Variants in CACNA2D3 observed in about 807,000 individuals in gnomAD.
CACNA2D3 encodes the protein calcium voltage-gated channel auxiliary subunit alpha2delta 3.
In CACNA2D3, 60 loss-of-function variants were observed where a neutral mutation model predicts 160.6. That is an observed-to-expected ratio of 0.37 (90% CI 0.30 to 0.46). The LOEUF (loss-of-function observed/expected upper bound fraction) is 0.46, where lower values mean the gene tolerates loss of function less well. Among genes scored for constraint, CACNA2D3 ranks in the 20% least tolerant of loss-of-function variants. CACNA2D3 has a pLI of 1.00. For synonymous variants in CACNA2D3, 558 were observed against 492.9 expected, an observed-to-expected ratio of 1.13 and a Z score of -1.75; for missense variants, 1,205 against 1,365.0, an observed-to-expected ratio of 0.88 and a Z score of 1.85.
chr3:54,498,106 AG>A (rs1431857837), intron 4 of CACNA2D3, among the ~76,000 whole-genome samples: 2 of 151,464 alleles, frequency 1.3e-5, no homozygotes, highest in Admixed American at 6.6e-5. Context: ...TAAATTAGAT[AG>A]GAAGTATTTT....
At chr3:54,190,067 A>G (rs998460720) in intron 2 of CACNA2D3, among the ~76,000 whole-genome samples, 2 of 152,138 alleles carry the variant, frequency 1.3e-5, no homozygotes, top group African/African-American at 4.8e-5. Flanking sequence ...TAGTTCATTG[A>G]TGGAGCTTTC....
intron 31 of CACNA2D3, among the ~76,000 whole-genome samples, chr3:55,002,008 T>C (rs1396539064): frequency 6.6e-6 from 1 of 151,968 alleles, no homozygotes; most frequent in Non-Finnish European, 1.5e-5. Context: ...AATACAAAAT[T>C]AGTTGGGTGT....
intron 11 of CACNA2D3, among the ~76,000 whole-genome samples, chr3:54,704,895 C>G (rs1700830608): frequency 6.6e-6 from 1 of 152,076 alleles, no homozygotes; most frequent in South Asian, 2.1e-4. Context: ...CCCCCCACCC[C>G]CATTTCTACA....
chr3:55,066,736 C>T (rs954626721), intron 35 of CACNA2D3, among the ~76,000 whole-genome samples: 1 of 152,106 alleles, frequency 6.6e-6, no homozygotes, highest in Admixed American at 6.5e-5. Flanking sequence ...AAATTGCTTC[C>T]CTCTCCCAAC....
chr3:54,876,957 G>T (rs1397905026), intron 18 of CACNA2D3: 2 of 152,212 alleles, frequency 1.3e-5, no homozygotes, highest in African/African-American at 4.8e-5. Flanking sequence ...CCACAGAGAG[G>T]TCACGGGACA....
At chr3:54,619,797 G>C (rs556188751) in intron 9 of CACNA2D3, among the ~76,000 whole-genome samples, 139 of 20,526 alleles carry the variant, frequency 6.8e-3, no homozygotes, top group Non-Finnish European at 0.013. Context: ...TTACCTACAA[G>C]ATAATATTGG....
intron 2 of CACNA2D3, among the ~76,000 whole-genome samples, chr3:54,236,256 G>C (rs538083841): frequency 6.6e-6 from 1 of 152,296 alleles, no homozygotes; most frequent in East Asian, 1.9e-4. Context: ...TCCTGGAGCA[G>C]AAAAATGACA....
At chr3:54,347,852 A>T (rs1031112037) in intron 3 of CACNA2D3, among the ~76,000 whole-genome samples, 5 of 152,074 alleles carry the variant, frequency 3.3e-5, no homozygotes, top group Non-Finnish European at 7.4e-5. Context: ...ACTTGCTGAC[A>T]TACTTGTGGG....
intron 11 of CACNA2D3, among the ~76,000 whole-genome samples, chr3:54,677,667 AT>A (rs1216515493): frequency 1.3e-5 from 2 of 151,244 alleles, no homozygotes; most frequent in Non-Finnish European, 2.9e-5. Context: ...TCCCAGGAAT[AT>A]GTTACAAATC....
intron 11 of CACNA2D3, among the ~76,000 whole-genome samples, chr3:54,704,572 T>C (rs1161736617): frequency 1.3e-5 from 2 of 152,190 alleles, no homozygotes; most frequent in Non-Finnish European, 2.9e-5. Context: ...TCATTTTCTT[T>C]TTTGACTTGC....
intron 35 of CACNA2D3, among the ~76,000 whole-genome samples, chr3:55,042,185 C>T (rs1259941847): frequency 6.6e-6 from 1 of 152,042 alleles, no homozygotes; most frequent in Non-Finnish European, 1.5e-5. Context: ...TTGTTGAAAT[C>T]TTCTGTATTC....
chr3:54,457,326 T>A (rs1269005399), intron 4 of CACNA2D3, among the ~76,000 whole-genome samples: 1 of 152,104 alleles, frequency 6.6e-6, no homozygotes. Flanking sequence ...CCATTTGTTG[T>A]TCAAGAGCAT....
chr3:54,595,450 C>G (rs1702937761), intron 9 of CACNA2D3, among the ~76,000 whole-genome samples: 1 of 152,088 alleles, frequency 6.6e-6, no homozygotes, highest in Admixed American at 6.6e-5. Context: ...TGTTGCCTGG[C>G]AGTGACCTGG....
At chr3:54,988,011 C>T (rs1464399900) in intron 31 of CACNA2D3, among the ~76,000 whole-genome samples, 1 of 152,172 alleles carries the variant, frequency 6.6e-6, no homozygotes, top group East Asian at 1.9e-4. Context: ...AAGTAGGAGG[C>T]TGCACTGTGA....
intron 5 of CACNA2D3, among the ~76,000 whole-genome samples, chr3:54,520,248 C>T (rs1403703884): frequency 1.3e-5 from 2 of 152,238 alleles, no homozygotes; most frequent in African/African-American, 4.8e-5. Context: ...GATGAGGCAA[C>T]TCTGTCAGAA....
chr3:54,927,945 G>C, intron 27 of CACNA2D3: 1 of 1,611,030 alleles, frequency 6.2e-7, no homozygotes, highest in Non-Finnish European at 8.5e-7. Flanking sequence ...TGCTGACCTC[G>C]TAGACCCTTT....
chr3:54,911,588 TAC>T (rs1700557984), intron 27 of CACNA2D3, among the ~76,000 whole-genome samples: 1 of 151,988 alleles, frequency 6.6e-6, no homozygotes, highest in African/African-American at 2.4e-5. Context: ...TTCAGTTATG[TAC>T]AGAGTCTGAC....
intron 18 of CACNA2D3, chr3:54,876,997 C>T (rs1699675883): frequency 6.6e-6 from 1 of 152,166 alleles, no homozygotes; most frequent in African/African-American, 2.4e-5. Context: ...AAAACTTGAA[C>T]ATCGATATCG....
intron 11 of CACNA2D3, among the ~76,000 whole-genome samples, chr3:54,667,660 T>TTAA: frequency 6.6e-6 from 1 of 152,272 alleles, no homozygotes; most frequent in South Asian, 2.1e-4. Flanking sequence ...AGAGTCAAAA[T>TTAA]AAGGTCAGGT....
Sources: allele counts gnomAD v4.1 joint callset (sites outside exome capture counted in the v4.1 genomes callset), GRCh38; gene constraint gnomAD v4.1.1; transcripts MANE v1.5; gene names NCBI Gene and HGNC (gene_info 2026-07-23, HGNC 2026-07-21).